Variants in LONRF2 observed in about 807,000 individuals in gnomAD.
LONRF2 encodes the protein LON peptidase N-terminal domain and ring finger 2, also known as LON peptidase N-terminal domain and RING finger protein 2.
A neutral mutation model predicts 66.6 loss-of-function variants in LONRF2; 35 were observed. That is an observed-to-expected ratio of 0.53 (90% CI 0.40 to 0.70). The LOEUF is 0.70. Ranked by LOEUF, LONRF2 falls within the 30% of genes least tolerant of loss-of-function variation. LONRF2 has a pLI of 0.00. For missense variants in LONRF2, 902 were observed against 1,002.1 expected (o/e 0.90, Z 1.35); for synonymous variants, 417 against 418.1 (o/e 1.00, Z 0.03).
intron 2 of LONRF2, among the ~76,000 whole-genome samples, chr2:100,305,700 C>A (rs545739036): frequency 9.1e-4 from 139 of 152,124 alleles, no homozygotes; most frequent in Non-Finnish European, 1.8e-3. Context: ...CCCTGAGCTC[C>A]CTGAAGTCTC....
intron 9 of LONRF2, among the ~76,000 whole-genome samples, chr2:100,293,637 G>A (rs983753588): frequency 3.9e-5 from 6 of 152,216 alleles, no homozygotes; most frequent in Admixed American, 2.6e-4. Context: ...GGACAAAGAC[G>A]TGAAACGAGG....
chr2:100,307,627 T>A (rs1235384198), intron 2 of LONRF2, among the ~76,000 whole-genome samples: 1 of 152,116 alleles, frequency 6.6e-6, no homozygotes, highest in Non-Finnish European at 1.5e-5. Context: ...AGATACAGAA[T>A]TTCAGCTGAA....
intron 6 of LONRF2, 132 bp from the exon 7 acceptor site, chr2:100,299,082 A>G: frequency 1.2e-6 from 1 of 845,590 alleles, no homozygotes; most frequent in Non-Finnish European, 1.9e-6. Context: ...TTCATTTTAT[A>G]TCTTATTAAA....
rs977794886 is a variant in LONRF2, at chr2:100,277,533, C to T, written c.*6765G>A. On this transcript the variant is annotated 3_prime_UTR_variant, in exon 12 of 12. Transcript: ENST00000393437. The stretch of plus-strand genomic sequence containing the variant: ...CCTCAGTCCCTTGTGAGGTCATCCT[C>T]CCGCAGACCCCTTGGTGTCCCTTAG... 7 of 152,218 alleles carry T rather than the reference C, an allele frequency of 4.6e-5. No individual in the cohort carries two copies. The highest frequency in any genetic ancestry group is 1.7e-4 in the African/African-American group (7 of 41,402). 9.4% of individuals were successfully genotyped at this position (152,218 alleles called of 1,614,324 possible).
In LONRF2 at chr2:100,275,739, C is replaced by T. The variant is rs1321197436; in HGVS notation, c.*8559G>A. 2 of 152,124 alleles carry T rather than the reference C, an allele frequency of 1.3e-5. No individual in the cohort carries two copies. The highest frequency in any genetic ancestry group is 1.9e-4 in the East Asian group (1 of 5,186). The allele number at this position is 152,124 out of a possible 1,614,324, so 9.4% of individuals were successfully genotyped here. A position where few individuals can be genotyped will look rare whatever the true frequency, so the allele number is the denominator to read the frequency against. Reference sequence around the variant, plus strand: ...CCCCTGAGCTACGTGAGCCTGTAACCACCCCCCACCAGTGTGCCTGGGCAC... The same window carrying T: ...CCCCTGAGCTACGTGAGCCTGTAACTACCCCCCACCAGTGTGCCTGGGCAC... On this transcript the variant is annotated 3_prime_UTR_variant, in exon 12 of 12. Coordinates refer to ENST00000393437, the MANE Select transcript of LONRF2 (RefSeq NM_198461.4).
intron 4 of LONRF2, 100 bp from the exon 5 acceptor site, chr2:100,300,018 A>AG (rs1675149008): frequency 4.0e-5 from 15 of 379,424 alleles, no homozygotes; most frequent in African/African-American, 1.7e-4. Context: ...TGGAAAAAAA[A>AG]AGGGGGGGGC....
chr2:100,302,325 A>G (rs912843439), intron 3 of LONRF2, among the ~76,000 whole-genome samples: 2 of 152,246 alleles, frequency 1.3e-5, no homozygotes, highest in African/African-American at 2.4e-5. Context: ...AAATAGAACT[A>G]CACAGGTAAG....
chr2:100,315,727 T>C (rs776085347), intron 1 of LONRF2, among the ~76,000 whole-genome samples: 5 of 152,248 alleles, frequency 3.3e-5, no homozygotes, highest in Non-Finnish European at 7.3e-5. Flanking sequence ...AGGGTATCAA[T>C]GGATTCAGTT....
chr2:100,313,233 G>C (rs558083011), intron 1 of LONRF2, among the ~76,000 whole-genome samples: 1 of 152,178 alleles, frequency 6.6e-6, no homozygotes, highest in African/African-American at 2.4e-5. Context: ...GGTGGCTCAC[G>C]CCTGTAATCC....
intron 11 of LONRF2, 55 bp from the exon 12 acceptor site, chr2:100,284,547 C>G: frequency 7.2e-7 from 1 of 1,390,396 alleles, no homozygotes; most frequent in Non-Finnish European, 9.5e-7. Flanking sequence ...AAGCCTGTTC[C>G]CCAACACAGT....
chr2:100,286,136 CA>C (rs1191720366), intron 11 of LONRF2, among the ~76,000 whole-genome samples: 1 of 151,850 alleles, frequency 6.6e-6, no homozygotes, highest in Non-Finnish European at 1.5e-5. Flanking sequence ...AGAATTCAGG[CA>C]GGGGGTAAAA....
intron 2 of LONRF2, among the ~76,000 whole-genome samples, chr2:100,304,900 G>C (rs1675262475): frequency 6.6e-6 from 1 of 151,482 alleles, no homozygotes; most frequent in South Asian, 2.1e-4. Context: ...CCAAGTGCTG[G>C]GATTATAGGC....
rs781319261 is a variant in LONRF2, at chr2:100,300,674, C to T, written c.1035G>A (p.Leu345=). The T allele has an allele frequency of 4.6e-5, 74 of 1,612,326 alleles. No individual in the cohort carries two copies. The highest frequency in any genetic ancestry group is 5.7e-5 in the Non-Finnish European group (67 of 1,179,608). ...AGCTCCCTGCATCACCTTCTTCCAG[C>T]AGAGCCTGGGCATTCATGTGGCTGT... ...QGHSHMNAQA[L]LEEGDAGSSE... is the part of the protein sequence containing the mutation. The change falls in exon 4 of 12, where the codon CTG becomes CTA. Residue 345 remains leucine (L), a synonymous_variant. Transcript: ENST00000393437.
intron 7 of LONRF2, among the ~76,000 whole-genome samples, chr2:100,297,009 T>C (rs1242849271): frequency 6.6e-6 from 1 of 152,204 alleles, no homozygotes; most frequent in Non-Finnish European, 1.5e-5. Flanking sequence ...ATAGTTTGCA[T>C]GTAATCATTC....
In LONRF2 at chr2:100,277,656, C is replaced by T. The variant is rs1051983257; in HGVS notation, c.*6642G>A. The T allele has an allele frequency of 1.3e-5, 2 of 152,142 alleles. No individual in the cohort carries two copies. The highest frequency in any genetic ancestry group is 1.5e-5 in the Non-Finnish European group (1 of 68,026). The allele number at this position is 152,142 out of a possible 1,614,324, so 9.4% of individuals were successfully genotyped here. A position where few individuals can be genotyped will look rare whatever the true frequency, so the allele number is the denominator to read the frequency against. On this transcript the variant is annotated 3_prime_UTR_variant, in exon 12 of 12. Coordinates refer to ENST00000393437, the MANE Select transcript of LONRF2 (RefSeq NM_198461.4). ...GAGCCCAAGAGAATGTTGCTGCTTC[C>T]CATCTTTTAGCCAGCATGCCCTGAT...
chr2:100,290,527 C>A lies in LONRF2; in HGVS notation c.1758-107G>T, dbSNP rs542468105. On this transcript the variant is annotated intron_variant, in intron 9 of 11. Coordinates refer to ENST00000393437, the MANE Select transcript of LONRF2 (RefSeq NM_198461.4). ...AAAAGGAATACAAAGCCACACAAAA[C>A]AGTGTCTCCACATCAGACCAGCAAG... The A allele has an allele frequency of 4.4e-6, 5 of 1,136,300 alleles. No homozygotes were observed. In the African/African-American group the frequency reaches 7.8e-5, roughly 18 times the overall value. 70.4% of individuals were successfully genotyped at this position (1,136,300 alleles called of 1,614,324 possible). A position where few individuals can be genotyped will look rare whatever the true frequency, so the allele number is the denominator to read the frequency against.
chr2:100,312,998 G>A (rs1423840413), intron 1 of LONRF2, among the ~76,000 whole-genome samples: 1 of 152,168 alleles, frequency 6.6e-6, no homozygotes. Flanking sequence ...CCCTCTATGG[G>A]GAAAAGTCAT....
intron 1 of LONRF2, among the ~76,000 whole-genome samples, chr2:100,311,246 A>T (rs1675401292): frequency 6.6e-6 from 1 of 152,136 alleles, no homozygotes; most frequent in Non-Finnish European, 1.5e-5. Context: ...TGCATTTTGA[A>T]ATATACAATT....
At chr2:100,309,078 T>C in intron 2 of LONRF2, 29 bp downstream of exon 2, 1 of 1,384,904 alleles carries the variant, frequency 7.2e-7, no homozygotes, top group Non-Finnish European at 9.9e-7. Flanking sequence ...TTCACATTGA[T>C]TATCTCCAAA....
Sources: gnomAD v4.1 joint callset for allele counts (sites outside exome capture counted in the v4.1 genomes callset) on GRCh38, gnomAD v4.1.1 for gene constraint, MANE v1.5 for transcripts, NCBI Gene and HGNC (gene_info 2026-07-23, HGNC 2026-07-21) for gene names.